The following GRK3 variants were observed in gnomAD, a reference collection of about 807,000 sequenced individuals.
GRK3 encodes the protein G protein-coupled receptor kinase 3, also known as adrenergic, beta, receptor kinase 2.
GRK3 carries 54 observed loss-of-function variants against 95.7 expected under a neutral mutation model. The ratio of observed to expected loss-of-function variants is 0.56; its 90% confidence interval spans 0.45 to 0.71. The LOEUF (loss-of-function observed/expected upper bound fraction) is 0.71. Among genes scored for constraint, GRK3 ranks in the 30% least tolerant of loss-of-function variants. The probability of loss-of-function intolerance (pLI) is 0.00; values close to 1 mark genes in which losing one functional copy is unlikely to be tolerated. For missense variants in GRK3, 649 were observed against 851.2 expected, an observed-to-expected ratio of 0.76 and a Z score of 2.96; for synonymous variants, 281 against 290.8, an observed-to-expected ratio of 0.97 and a Z score of 0.34.
intron 3 of GRK3, chr22:25,647,886 G>A (rs370829516): frequency 7.0e-5 from 43 of 617,012 alleles, no homozygotes; most frequent in African/African-American, 5.2e-4. Flanking sequence ...CGAGTTGGGC[G>A]GATCACCTGA....
chr22:25,632,222 T>A (rs1054659399), intron 2 of GRK3, among the ~76,000 whole-genome samples: 2 of 152,230 alleles, frequency 1.3e-5, no homozygotes, highest in Non-Finnish European at 2.9e-5. Flanking sequence ...TCTTTTCTTT[T>A]TTGCTTTTGT....
intron 1 of GRK3, among the ~76,000 whole-genome samples, chr22:25,573,026 C>G (rs1931761187): frequency 6.6e-6 from 1 of 152,146 alleles, no homozygotes; most frequent in Non-Finnish European, 1.5e-5. Flanking sequence ...CTTGTATTAC[C>G]TTCTGTGCAC....
intron 16 of GRK3, 148 bp downstream of exon 16, chr22:25,710,112 C>T (rs969686159): frequency 1.4e-6 from 1 of 701,384 alleles, no homozygotes; most frequent in Non-Finnish European, 2.6e-6. Flanking sequence ...CCTCCCCCAG[C>T]ATCCTGTGTC....
At chr22:25,566,022 C>T (rs1178006140) in intron 1 of GRK3, among the ~76,000 whole-genome samples, 1 of 152,098 alleles carries the variant, frequency 6.6e-6, no homozygotes, top group Non-Finnish European at 1.5e-5. Context: ...TATTAAGGTA[C>T]TAGTAAAATT....
rs761424463 is a variant in GRK3 at position 25,667,814 on chromosome 22, T to C, written c.503+14T>C. ...ATTTATGGAAAGGTATGAAACTTTA[T>C]GCATATATATACACAATTTTTTATC... is the stretch of plus-strand genomic sequence containing the variant. On this transcript the variant is annotated intron_variant, in intron 6 of 20. Transcript: ENST00000324198. The C allele has an allele frequency of 6.5e-7, 1 of 1,527,106 alleles. No individual in the cohort carries two copies. Among genetic ancestry groups the C allele is most frequent in the South Asian group, 1.1e-5 (1 of 88,938 alleles). 94.6% of individuals were successfully genotyped at this position (1,527,106 alleles called of 1,614,324 possible). A position where few individuals can be genotyped will look rare whatever the true frequency, so the allele number is the denominator to read the frequency against.
In GRK3 at chr22:25,727,274, A is replaced by G. The variant is rs1367844425; in HGVS notation, c.*4824A>G. On this transcript the variant is annotated 3_prime_UTR_variant, in exon 21 of 21. Coordinates refer to ENST00000324198, the MANE Select transcript of GRK3 (RefSeq NM_005160.4). ...TTGAATTACTTAAATTCATGTTAATATGATTTTTTTTTAATCCAGGTCACA... is the reference window on the plus strand; with the variant it reads ...TTGAATTACTTAAATTCATGTTAATGTGATTTTTTTTTAATCCAGGTCACA... 6.6e-6 allele frequency: 1 copy of G among 152,004 alleles called. No homozygotes were observed. The highest frequency in any genetic ancestry group is 1.5e-5 in the Non-Finnish European group (1 of 68,036). 9.4% of individuals were successfully genotyped at this position (152,004 alleles called of 1,614,324 possible).
At chr22:25,628,879 C>T (rs928764454) in intron 2 of GRK3, among the ~76,000 whole-genome samples, 4 of 152,006 alleles carry the variant, frequency 2.6e-5, no homozygotes, top group African/African-American at 7.2e-5. Flanking sequence ...GCTGTCACAT[C>T]GATTTCTTAA....
rs2085403550 is a variant in GRK3, at chr22:25,718,348, T to C, written c.1758T>C (p.Asn586=). ...WQRRYFYLFP[N]RLEWRGEGES... The stretch of plus-strand genomic sequence containing the variant: ...GTCGCTATTTTTACCTCTTTCCAAA[T>C]AGACTTGAATGGAGAGGAGAGGGAG... The change falls in exon 19 of 21, where the codon AAT becomes AAC. Residue 586 remains asparagine (N), a synonymous_variant. Transcript: ENST00000324198. 1.2e-6 allele frequency: 2 copies of C among 1,613,228 alleles called. No individual in the cohort carries two copies. Among genetic ancestry groups the C allele is most frequent in the African/African-American group, 1.3e-5 (1 of 74,994 alleles).
At chr22:25,606,707 G>A (rs1457825938) in intron 2 of GRK3, among the ~76,000 whole-genome samples, 1 of 152,050 alleles carries the variant, frequency 6.6e-6, no homozygotes, top group Non-Finnish European at 1.5e-5. Flanking sequence ...CCGACACACA[G>A]GATCACCACA....
At chr22:25,662,953 A>C (rs780375479) in intron 4 of GRK3, among the ~76,000 whole-genome samples, 17 of 152,140 alleles carry the variant, frequency 1.1e-4, no homozygotes, top group Non-Finnish European at 1.9e-4. Context: ...TGGTTACAGT[A>C]AGACTTTCCT....
At position 25,728,967 on chromosome 22, in the gene GRK3, A is replaced by C. The variant is rs1162588209; in HGVS notation, c.*6517A>C. The C allele has an allele frequency of 6.6e-6, 1 of 152,226 alleles. No individual in the cohort carries two copies. Among genetic ancestry groups the C allele is most frequent in the African/African-American group, 2.4e-5 (1 of 41,462 alleles). The allele number at this position is 152,226 out of a possible 1,614,324, so 9.4% of individuals were successfully genotyped here. On this transcript the variant is annotated 3_prime_UTR_variant, in exon 21 of 21. Transcript: ENST00000324198. Reference sequence around the variant, plus strand: ...CCTTGAAGAAAGAAATCCGTTTTCTATTGTGCATTGCTATACGAAGTGAAG... The same window carrying C: ...CCTTGAAGAAAGAAATCCGTTTTCTCTTGTGCATTGCTATACGAAGTGAAG...
intron 5 of GRK3, among the ~76,000 whole-genome samples, chr22:25,664,356 A>G (rs2146404072): frequency 1.3e-5 from 2 of 152,334 alleles, no homozygotes; most frequent in South Asian, 4.1e-4. Flanking sequence ...AAGGACAGTC[A>G]GATTCTCCAA....
intron 8 of GRK3, 55 bp downstream of exon 8, chr22:25,674,583 C>A: frequency 7.8e-7 from 1 of 1,281,260 alleles, no homozygotes; most frequent in Non-Finnish European, 1.1e-6. Flanking sequence ...TTAATATTTG[C>A]ATGAAAAGAA....
In GRK3 at chr22:25,584,341, G is replaced by A. The variant is rs1196129027; in HGVS notation, c.113+19188G>A. Among the ~76,000 whole-genome samples, 6 of 152,396 alleles carry A rather than the reference G, an allele frequency of 3.9e-5. 1 individual carries two copies. Among genetic ancestry groups the A allele is most frequent in the African/African-American group, 1.4e-4 (6 of 41,598 alleles). Reference sequence around the variant, plus strand: ...GATGAAATCTTGCACCATTCTGTCTGGAACGTGATTCCTTTGTTCAAGGAA... The same window carrying A: ...GATGAAATCTTGCACCATTCTGTCTAGAACGTGATTCCTTTGTTCAAGGAA... On this transcript the variant is annotated intron_variant, in intron 1 of 20. Coordinates refer to ENST00000324198, the MANE Select transcript of GRK3 (RefSeq NM_005160.4).
At chr22:25,573,388 CA>C (rs1049224630) in intron 1 of GRK3, among the ~76,000 whole-genome samples, 4 of 152,124 alleles carry the variant, frequency 2.6e-5, no homozygotes, top group African/African-American at 9.7e-5. Flanking sequence ...TTGAATGATT[CA>C]AAATTCATTA....
rs1407969584 is a variant in GRK3, at chr22:25,725,008, A to G, written c.*2558A>G. ...CCTGAGTAGCTAGGACTACAGGTGC[A>G]TGCCACCTTTCCTGGCTAATTTATT... is the stretch of plus-strand genomic sequence containing the variant. On this transcript the variant is annotated 3_prime_UTR_variant, in exon 21 of 21. Transcript: ENST00000324198. The G allele has an allele frequency of 3.9e-5, 6 of 152,126 alleles. 1 individual carries two copies. Among genetic ancestry groups the G allele is most frequent in the Admixed American group, 1.3e-4 (2 of 15,258 alleles). The allele number at this position is 152,126 out of a possible 1,614,324, so 9.4% of individuals were successfully genotyped here.
chr22:25,694,529 T>G (rs2146443282), intron 12 of GRK3, among the ~76,000 whole-genome samples: 1 of 152,366 alleles, frequency 6.6e-6, no homozygotes, highest in South Asian at 2.1e-4. Context: ...CTTCTGCAGC[T>G]TTTGAAACCT....
intron 6 of GRK3, among the ~76,000 whole-genome samples, chr22:25,668,432 A>G (rs2084957167): frequency 6.6e-6 from 1 of 152,222 alleles, no homozygotes; most frequent in African/African-American, 2.4e-5. Context: ...ATAATATCTC[A>G]TGCTAGAGCT....
chr22:25,686,796 T>G (rs192009091), intron 10 of GRK3, among the ~76,000 whole-genome samples: 16 of 152,292 alleles, frequency 1.1e-4, no homozygotes, highest in African/African-American at 2.9e-4. Flanking sequence ...TGTATGTGCT[T>G]TGTCAAATAT....
Sources: gnomAD v4.1 joint callset for allele counts (sites outside exome capture counted in the v4.1 genomes callset) on GRCh38, gnomAD v4.1.1 for gene constraint, MANE v1.5 for transcripts, NCBI Gene and HGNC (gene_info 2026-07-23, HGNC 2026-07-21) for gene names.